Variants in ENOPH1 observed in about 807,000 individuals in gnomAD.
The protein encoded by ENOPH1 is enolase-phosphatase 1.
In ENOPH1, 14 loss-of-function variants were observed where a neutral mutation model predicts 31.1. That is an observed-to-expected ratio of 0.45 (90% CI 0.30 to 0.70). The LOEUF is 0.70. Among genes scored for constraint, ENOPH1 ranks in the 30% least tolerant of loss-of-function variants. The probability of loss-of-function intolerance (pLI) is 0.09; values close to 1 mark genes in which losing one functional copy is unlikely to be tolerated. For synonymous variants in ENOPH1, 127 were observed against 123.2 expected (o/e 1.03, Z -0.21); for missense variants, 243 against 321.5 (o/e 0.76, Z 1.87).
chr4:82,460,635 C>G lies in ENOPH1; in HGVS notation c.*515C>G, dbSNP rs554180938. On this transcript the variant is annotated 3_prime_UTR_variant, in exon 6 of 6. Transcript: ENST00000273920. The stretch of plus-strand genomic sequence containing the variant: ...AAGACCAAGGTATTTCCTTCTGCTT[C>G]AAAAGAACAAAATTGGGAAAGAAAA... The G allele has an allele frequency of 6.6e-6, 1 of 152,318 alleles. No homozygotes were observed. The highest frequency in any genetic ancestry group is 2.1e-4 in the South Asian group (1 of 4,824). The allele number at this position is 152,318 out of a possible 1,614,324, so 9.4% of individuals were successfully genotyped here.
intron 4 of ENOPH1, 107 bp from the exon 5 acceptor site, chr4:82,456,808 A>G (rs977435466): frequency 1.4e-6 from 2 of 1,392,902 alleles, no homozygotes; most frequent in Admixed American, 4.5e-5. Flanking sequence ...ATTTTCAGAA[A>G]ATACTGAACG....
intron 3 of ENOPH1, among the ~76,000 whole-genome samples, chr4:82,453,451 G>A (rs778724197): frequency 2.6e-5 from 4 of 152,240 alleles, no homozygotes; most frequent in Admixed American, 6.5e-5. Context: ...CTGTGCACCC[G>A]GTAGTTAGCC....
chr4:82,432,979 A>C (rs1051141792), intron 1 of ENOPH1, among the ~76,000 whole-genome samples: 6 of 149,660 alleles, frequency 4.0e-5, no homozygotes, highest in African/African-American at 1.5e-4. Flanking sequence ...ATGATTGATT[A>C]ATTTCCTTTT....
chr4:82,447,372 A>T (rs1423274327), intron 1 of ENOPH1, among the ~76,000 whole-genome samples: 2 of 152,068 alleles, frequency 1.3e-5, no homozygotes, highest in Non-Finnish European at 2.9e-5. Flanking sequence ...GTTTTTTTTT[A>T]AATACTTGTC....
rs1039453561 is a variant in ENOPH1 at position 82,443,686 on chromosome 4, C to T, written c.85-4234C>T. ...GAGCTTGCAGTGAGCTGAGATTGTG[C>T]CACTGCCCTCCAGCCTGGGACAGAG... On this transcript the variant is annotated intron_variant, in intron 1 of 5. Coordinates refer to ENST00000273920, the MANE Select transcript of ENOPH1 (RefSeq NM_021204.5). Among the ~76,000 whole-genome samples the T allele has an allele frequency of 2.6e-4, 39 of 148,152 alleles. 2 individuals are homozygous for T. The highest frequency in any genetic ancestry group is 8.1e-4 in the African/African-American group (33 of 40,530).
intron 2 of ENOPH1, among the ~76,000 whole-genome samples, chr4:82,450,670 C>CT (rs1300594756): frequency 8.5e-5 from 13 of 152,234 alleles, no homozygotes; most frequent in African/African-American, 3.1e-4. Flanking sequence ...ATGAGATTTT[C>CT]TTTGTTTCTT....
chr4:82,448,223 T>G lies in ENOPH1; in HGVS notation c.186+202T>G, dbSNP rs182349134. Among the ~76,000 whole-genome samples, 586 of 151,958 alleles carry G rather than the reference T, an allele frequency of 3.9e-3. 7 individuals carry two copies. Among genetic ancestry groups the G allele is most frequent in the African/African-American group, 0.013 (555 of 41,426 alleles). On this transcript the variant is annotated intron_variant, in intron 2 of 5. Coordinates refer to ENST00000273920, the MANE Select transcript of ENOPH1 (RefSeq NM_021204.5). ...TCATGTCAGTTTGTTGTTTCTGGAG[T>G]TGCTCTTTGGTTGTTTTTTTTTGTT... is the stretch of plus-strand genomic sequence containing the variant.
At chr4:82,436,302 T>C (rs1026637166) in intron 1 of ENOPH1, among the ~76,000 whole-genome samples, 1 of 152,160 alleles carries the variant, frequency 6.6e-6, no homozygotes, top group African/African-American at 2.4e-5. Flanking sequence ...GCTACATTCA[T>C]GGTAGTACGT....
intron 4 of ENOPH1, 22 bp downstream of exon 4, chr4:82,454,876 G>A: frequency 1.9e-6 from 3 of 1,602,018 alleles, no homozygotes; most frequent in Non-Finnish European, 1.7e-6. Flanking sequence ...AGTTTACTTT[G>A]TTGTTTTGAC....
chr4:82,445,885 T>C (rs1722162322), intron 1 of ENOPH1, among the ~76,000 whole-genome samples: 2 of 152,228 alleles, frequency 1.3e-5, no homozygotes, highest in African/African-American at 4.8e-5. Flanking sequence ...AATCTCCAAC[T>C]TCTAAGGCTG....
intron 1 of ENOPH1, among the ~76,000 whole-genome samples, chr4:82,437,943 T>C (rs1721949694): frequency 6.6e-6 from 1 of 152,226 alleles, no homozygotes; most frequent in Non-Finnish European, 1.5e-5. Flanking sequence ...ATTTGAACAA[T>C]TTAACTGAAA....
At chr4:82,437,838 A>G (rs1206800117) in intron 1 of ENOPH1, among the ~76,000 whole-genome samples, 1 of 152,206 alleles carries the variant, frequency 6.6e-6, no homozygotes, top group African/African-American at 2.4e-5. Flanking sequence ...GGTGATATGC[A>G]TTCCGGAATG....
chr4:82,448,930 C>T (rs952734588), intron 2 of ENOPH1, among the ~76,000 whole-genome samples: 21 of 151,142 alleles, frequency 1.4e-4, no homozygotes, highest in Admixed American at 7.9e-4. Context: ...TAGTGGCCGG[C>T]GCCTGTAGTC....
intron 1 of ENOPH1, among the ~76,000 whole-genome samples, chr4:82,437,096 A>T (rs1721924496): frequency 6.6e-6 from 1 of 152,020 alleles, no homozygotes; most frequent in Non-Finnish European, 1.5e-5. Flanking sequence ...AAAAAATTAT[A>T]AAAAAAGAAA....
At position 82,430,617 on chromosome 4, in the gene ENOPH1, A is replaced by T; in HGVS notation, c.-213A>T. The T allele has an allele frequency of 1.8e-6, 1 of 559,492 alleles. No individual in the cohort carries two copies. Among genetic ancestry groups the T allele is most frequent in the Non-Finnish European group, 3.2e-6 (1 of 312,688 alleles). The allele number at this position is 559,492 out of a possible 1,614,324, so 34.7% of individuals were successfully genotyped here. A position where few individuals can be genotyped will look rare whatever the true frequency, so the allele number is the denominator to read the frequency against. ...CTCGGGCTCCTGCCCCGTCCTGCTCACGAGTTCAGGGCTCCTGGGCGGCCG... is the reference window on the plus strand; with the variant it reads ...CTCGGGCTCCTGCCCCGTCCTGCTCTCGAGTTCAGGGCTCCTGGGCGGCCG... On this transcript the variant is annotated 5_prime_UTR_variant, in exon 1 of 6. Coordinates refer to ENST00000273920, the MANE Select transcript of ENOPH1 (RefSeq NM_021204.5).
chr4:82,431,499 G>C (rs1431069570), intron 1 of ENOPH1, among the ~76,000 whole-genome samples: 1 of 152,138 alleles, frequency 6.6e-6, no homozygotes, highest in East Asian at 1.9e-4. Flanking sequence ...GATTTTTTGA[G>C]CTATAGGACA....
intron 3 of ENOPH1, among the ~76,000 whole-genome samples, 156 bp from the exon 4 acceptor site, chr4:82,454,566 T>C (rs6853622): frequency 0.77 from 117,306 of 152,176 alleles, 45,823 homozygotes; most frequent in African/African-American, 0.9. Flanking sequence ...TTGGGCAGTA[T>C]GTTTATTAGA....
At chr4:82,452,386 G>A (rs908709089) in intron 3 of ENOPH1, among the ~76,000 whole-genome samples, 6 of 152,132 alleles carry the variant, frequency 3.9e-5, no homozygotes, top group African/African-American at 1.4e-4. Context: ...TCAGCTCACT[G>A]CAACTTCTAC....
intron 2 of ENOPH1, among the ~76,000 whole-genome samples, chr4:82,448,849 G>C (rs2110043585): frequency 6.6e-6 from 1 of 151,268 alleles, no homozygotes; most frequent in South Asian, 2.1e-4. Flanking sequence ...ACGAGGTCAG[G>C]AGATCGAGAC....
Sources: allele counts gnomAD v4.1 joint callset (sites outside exome capture counted in the v4.1 genomes callset), GRCh38; gene constraint gnomAD v4.1.1; transcripts MANE v1.5; gene names NCBI Gene and HGNC (gene_info 2026-07-23, HGNC 2026-07-21).